Variants in PTPRD observed in about 807,000 individuals in gnomAD.
PTPRD encodes the protein protein tyrosine phosphatase receptor type D.
Under a neutral mutation model 214.5 loss-of-function variants are expected in PTPRD, and 34 were observed. The observed-to-expected ratio is 0.16, with a 90% CI of 0.12 to 0.21. The LOEUF (loss-of-function observed/expected upper bound fraction) is 0.21. PTPRD is among the 10% of genes least tolerant of loss of function. PTPRD has a pLI of 1.00. For synonymous variants in PTPRD, 1,128 were observed against 845.7 expected (o/e 1.33, Z -5.79); for missense variants, 2,545 against 2,398.7 (o/e 1.06, Z -1.27).
At chr9:8,501,394 C>G (rs2097402926) in intron 23 of PTPRD, among the ~76,000 whole-genome samples, 1 of 152,106 alleles carries the variant, frequency 6.6e-6, no homozygotes, top group South Asian at 2.1e-4. Context: ...ATCTCCCACC[C>G]CCACTATACT....
intron 7 of PTPRD, among the ~76,000 whole-genome samples, chr9:9,637,107 T>C (rs996260936): frequency 3.3e-5 from 5 of 152,130 alleles, no homozygotes; most frequent in Admixed American, 3.3e-4. Flanking sequence ...CCAAAACTAT[T>C]ACAGTATGGA....
intron 7 of PTPRD, among the ~76,000 whole-genome samples, chr9:9,719,338 CCAAA>C: frequency 6.6e-6 from 1 of 152,102 alleles, no homozygotes; most frequent in East Asian, 1.9e-4. Context: ...TCAAGATCCA[CCAAA>C]CAGTGGGAGT....
At chr9:9,669,078 C>A (rs2096777016) in intron 7 of PTPRD, among the ~76,000 whole-genome samples, 4 of 151,994 alleles carry the variant, frequency 2.6e-5, no homozygotes, top group African/African-American at 9.7e-5. Context: ...AAAAGATTTT[C>A]TAGTTCTACT....
intron 10 of PTPRD, among the ~76,000 whole-genome samples, chr9:9,022,135 T>TAAAATA (rs1282497493): frequency 6.7e-6 from 1 of 149,306 alleles, no homozygotes; most frequent in Non-Finnish European, 1.5e-5. Context: ...GAACGTAAAG[T>TAAAATA]AAAATAAAAA....
In PTPRD at chr9:9,283,712, G is replaced by A. The variant is rs1440598565; in HGVS notation, c.-202-100349C>T. Among the ~76,000 whole-genome samples the A allele has an allele frequency of 4.6e-5, 7 of 151,348 alleles. No homozygotes were observed. In the Admixed American group the frequency reaches 4.6e-4, roughly 10 times the overall value. On this transcript the variant is annotated intron_variant, in intron 9 of 45. Transcript: ENST00000381196. ...GGGGCTGGAAAAAAAATAAAAAATTGTTTCTCTTTACCATGAAATGAGTCT... is the reference window on the plus strand; with the variant it reads ...GGGGCTGGAAAAAAAATAAAAAATTATTTCTCTTTACCATGAAATGAGTCT...
intron 2 of PTPRD, among the ~76,000 whole-genome samples, chr9:10,593,326 A>T (rs1174190604): frequency 6.6e-6 from 1 of 152,056 alleles, no homozygotes; most frequent in East Asian, 1.9e-4. Context: ...CTATAATTTG[A>T]GTAATAAATG....
At chr9:8,798,061 G>A (rs1041993497) in intron 11 of PTPRD, among the ~76,000 whole-genome samples, 5 of 151,996 alleles carry the variant, frequency 3.3e-5, no homozygotes, top group South Asian at 2.1e-4. Context: ...CTGGTCTTAC[G>A]TGGAATTCTA....
intron 3 of PTPRD, among the ~76,000 whole-genome samples, chr9:10,174,820 A>G (rs750194155): frequency 6.6e-6 from 1 of 152,128 alleles, no homozygotes; most frequent in Non-Finnish European, 1.5e-5. Context: ...ATAGTAAATT[A>G]AACTCTATGC....
At chr9:9,068,817 G>A (rs187699426) in intron 10 of PTPRD, among the ~76,000 whole-genome samples, 145 of 152,080 alleles carry the variant, frequency 9.5e-4, no homozygotes, top group East Asian at 7.4e-3. Flanking sequence ...TCACTATGTT[G>A]GCCAGGATGG....
At chr9:9,782,658 CTGAGT>C (rs2098861784) in intron 5 of PTPRD, among the ~76,000 whole-genome samples, 1 of 152,138 alleles carries the variant, frequency 6.6e-6, no homozygotes, top group African/African-American at 2.4e-5. Flanking sequence ...ATAGATAGCT[CTGAGT>C]TATTTATGTG....
At position 8,857,932 on chromosome 9, in the gene PTPRD, C is replaced by T. The variant is rs534175733; in HGVS notation, c.-103-123986G>A. On this transcript the variant is annotated intron_variant, in intron 11 of 45. Transcript: ENST00000381196. ...TCCCCCCGCCCTCCCTCCACCCCTA[C>T]CCCCTTTTCCTCCTCCTCCGCCTCC... is the stretch of plus-strand genomic sequence containing the variant. Among the ~76,000 whole-genome samples, 948 of 141,948 alleles carry T rather than the reference C, an allele frequency of 6.7e-3. 11 individuals are homozygous for T. Among genetic ancestry groups the T allele is most frequent in the African/African-American group, 0.022 (857 of 38,610 alleles). The allele number at this position is 141,948 out of a possible 152,430, so 93.1% of individuals were successfully genotyped here.
chr9:10,087,519 C>T (rs291328), intron 3 of PTPRD, among the ~76,000 whole-genome samples: 56,794 of 151,272 alleles, frequency 0.38, 11,141 homozygotes, highest in East Asian at 0.53. Context: ...CTATCAAACC[C>T]GAGCAAAGTG....
intron 14 of PTPRD, among the ~76,000 whole-genome samples, chr9:8,557,753 A>C (rs1438466608): frequency 1.5e-5 from 2 of 132,556 alleles, no homozygotes; most frequent in African/African-American, 7.2e-5. Context: ...AATAAAAAAA[A>C]AAAAAAAAAA....
chr9:9,972,541 G>C (rs1262341823), intron 4 of PTPRD, among the ~76,000 whole-genome samples: 4 of 152,064 alleles, frequency 2.6e-5, no homozygotes, highest in African/African-American at 9.7e-5. Flanking sequence ...AGGTGAATTT[G>C]TTTCTTATTG....
intron 7 of PTPRD, among the ~76,000 whole-genome samples, chr9:9,608,893 C>A (rs569324298): frequency 3.1e-4 from 47 of 152,318 alleles, no homozygotes; most frequent in African/African-American, 1.1e-3. Flanking sequence ...CAGTCTCCAA[C>A]ACTTCATTTA....
chr9:8,852,650 C>G (rs1487988990), intron 11 of PTPRD, among the ~76,000 whole-genome samples: 1 of 152,208 alleles, frequency 6.6e-6, no homozygotes, highest in Non-Finnish European at 1.5e-5. Context: ...ACAGAATGAG[C>G]TGTCTTAGCT....
chr9:10,210,705 CAAG>C (rs943756027), intron 3 of PTPRD, among the ~76,000 whole-genome samples: 29 of 146,002 alleles, frequency 2.0e-4, no homozygotes, highest in African/African-American at 7.0e-4. Context: ...ATACATAATA[CAAG>C]AAGTTGTTTG....
chr9:9,148,235 T>A (rs966446501), intron 10 of PTPRD, among the ~76,000 whole-genome samples: 1 of 152,194 alleles, frequency 6.6e-6, no homozygotes, highest in Non-Finnish European at 1.5e-5. Flanking sequence ...ATAGGCTTTA[T>A]GAAATTACTT....
chr9:10,348,108 T>C (rs1277399804), intron 2 of PTPRD, among the ~76,000 whole-genome samples: 1 of 152,148 alleles, frequency 6.6e-6, no homozygotes, highest in African/African-American at 2.4e-5. Flanking sequence ...ACACTATTTA[T>C]CTATCAAGCA....
Sources: gnomAD v4.1 joint callset for allele counts (sites outside exome capture counted in the v4.1 genomes callset) on GRCh38, gnomAD v4.1.1 for gene constraint, MANE v1.5 for transcripts, NCBI Gene and HGNC (gene_info 2026-07-23, HGNC 2026-07-21) for gene names.